Variants in CDC42EP3 observed in about 807,000 individuals in gnomAD.
The protein encoded by CDC42EP3 is CDC42 effector protein (Rho GTPase binding) 3.
In CDC42EP3, 4 loss-of-function variants were observed where a neutral mutation model predicts 15.5. The ratio of observed to expected loss-of-function variants is 0.26; its 90% CI spans 0.13 to 0.59. The LOEUF (loss-of-function observed/expected upper bound fraction) is 0.59. Among genes scored for constraint, CDC42EP3 ranks in the 20% least tolerant of loss-of-function variants. CDC42EP3 has a pLI of 0.89. For missense variants in CDC42EP3, 309 were observed against 311.2 expected, an observed-to-expected ratio of 0.99 and a Z score of 0.05; for synonymous variants, 145 against 130.3, an observed-to-expected ratio of 1.11 and a Z score of -0.77.
intron 1 of CDC42EP3, among the ~76,000 whole-genome samples, chr2:37,649,448 A>C (rs1665594647): frequency 4.9e-5 from 1 of 20,340 alleles, no homozygotes; most frequent in Non-Finnish European, 9.5e-5. Context: ...CTTGTCTCAA[A>C]AAAAAAAAAA....
chr2:37,667,475 A>C (rs927442775), intron 1 of CDC42EP3, among the ~76,000 whole-genome samples: 2 of 152,178 alleles, frequency 1.3e-5, no homozygotes, highest in Admixed American at 6.5e-5. Context: ...CTTCATCCCC[A>C]GCCACCAGAA....
chr2:37,657,284 A>G (rs1665896885), intron 1 of CDC42EP3, among the ~76,000 whole-genome samples: 1 of 152,088 alleles, frequency 6.6e-6, no homozygotes, highest in African/African-American at 2.4e-5. Context: ...TCCTTCCTGG[A>G]GGAAGTCTAC....
At chr2:37,650,913 A>C (rs1252674833) in intron 1 of CDC42EP3, among the ~76,000 whole-genome samples, 1 of 152,218 alleles carries the variant, frequency 6.6e-6, no homozygotes, top group Non-Finnish European at 1.5e-5. Context: ...CTCAGATTGC[A>C]CTTATAGGGA....
intron 1 of CDC42EP3, among the ~76,000 whole-genome samples, chr2:37,654,121 G>A (rs567065658): frequency 3.9e-5 from 6 of 152,154 alleles, no homozygotes; most frequent in African/African-American, 1.4e-4. Flanking sequence ...TGATGACTCG[G>A]CCAAGTACCC....
chr2:37,655,115 T>C (rs1665807420), intron 1 of CDC42EP3, among the ~76,000 whole-genome samples: 1 of 152,208 alleles, frequency 6.6e-6, no homozygotes, highest in Admixed American at 6.5e-5. Context: ...TCATCTAAAC[T>C]GAGGACATAG....
chr2:37,657,547 C>G (rs1665908971), intron 1 of CDC42EP3, among the ~76,000 whole-genome samples: 1 of 152,188 alleles, frequency 6.6e-6, no homozygotes, highest in South Asian at 2.1e-4. Context: ...GCTGGGGACA[C>G]AGAAGGCCCT....
Position 37,644,847 on chromosome 2 carries a change from T to C in CDC42EP3, c.*976A>G, listed in dbSNP as rs1665391480. 2 of 152,188 alleles carry C rather than the reference T, an allele frequency of 1.3e-5. 1 individual carries two copies. Among genetic ancestry groups the C allele is most frequent in the South Asian group, 4.1e-4 (2 of 4,820 alleles). 9.4% of individuals were successfully genotyped at this position (152,188 alleles called of 1,614,324 possible). ...ATAAACAAGCAAGTTCACTTTATCA[T>C]TTACTTTTTATTGTGTTGCTTGAAG... On this transcript the variant is annotated 3_prime_UTR_variant, in exon 2 of 2. Transcript: ENST00000295324.
At chr2:37,653,737 T>C (rs974675094) in intron 1 of CDC42EP3, among the ~76,000 whole-genome samples, 4 of 151,780 alleles carry the variant, frequency 2.6e-5, no homozygotes, top group Non-Finnish European at 2.9e-5. Flanking sequence ...TGTTTTTAGA[T>C]TAATTCTTAG....
chr2:37,657,634 G>C (rs1213038494), intron 1 of CDC42EP3, among the ~76,000 whole-genome samples: 2 of 152,124 alleles, frequency 1.3e-5, no homozygotes, highest in Non-Finnish European at 2.9e-5. Flanking sequence ...CTACAGGCCG[G>C]CCAAATCCGG....
intron 1 of CDC42EP3, among the ~76,000 whole-genome samples, chr2:37,648,251 G>C (rs1665539290): frequency 6.6e-6 from 1 of 152,144 alleles, no homozygotes; most frequent in African/African-American, 2.4e-5. Flanking sequence ...GCTCTGCCAT[G>C]ACCTCTTCCC....
chr2:37,664,034 C>T (rs995732379), intron 1 of CDC42EP3, among the ~76,000 whole-genome samples: 5 of 152,074 alleles, frequency 3.3e-5, no homozygotes, highest in East Asian at 3.9e-4. Context: ...ATTAGCCGGT[C>T]GTTGTGGAGG....
chr2:37,656,734 C>G (rs1237990067), intron 1 of CDC42EP3, among the ~76,000 whole-genome samples: 2 of 152,136 alleles, frequency 1.3e-5, no homozygotes, highest in Admixed American at 6.5e-5. Context: ...AACCTGAAGA[C>G]TATGTATCTT....
chr2:37,646,221 A>G lies in CDC42EP3; in HGVS notation c.367T>C (p.Leu123=), dbSNP rs61731520. The part of the protein sequence containing the change: ...GGSQALMLPL[L]SPVTFNSKQE... ...TTGGAATTAAATGTCACTGGTGACA[A>G]TAAGGGCAACATGAGAGCTTGGGAT... Residue 123 remains leucine (L), a synonymous_variant, in exon 2 of 2, where the codon TTG becomes CTG. Transcript: ENST00000295324. 19 of 1,614,202 alleles carry G rather than the reference A, an allele frequency of 1.2e-5. No individual in the cohort carries two copies. In the East Asian group the frequency reaches 3.1e-4, roughly 26 times the overall value.
chr2:37,646,406 C>G lies in CDC42EP3; in HGVS notation c.182G>C (p.Gly61Ala). ...GTTTCCAGGTAAAAGCTCGTAGTTC[C>G]CTTGAAGAAAGGAAATATCTCCAAA... is the stretch of plus-strand genomic sequence containing the variant. ...DVFGDISFLQ[G>A]NYELLPGNQE... The change falls in exon 2 of 2, where the codon GGG becomes GCG. Residue 61 changes from glycine to alanine, a missense_variant. Transcript: ENST00000295324. 1 of 1,614,024 alleles carries G rather than the reference C, an allele frequency of 6.2e-7. No individual in the cohort carries two copies. The highest frequency in any genetic ancestry group is 8.5e-7 in the Non-Finnish European group (1 of 1,179,992).
chr2:37,657,683 A>G (rs938608424), intron 1 of CDC42EP3, among the ~76,000 whole-genome samples: 6 of 152,200 alleles, frequency 3.9e-5, no homozygotes, highest in African/African-American at 1.4e-4. Context: ...TTATTAGAAC[A>G]CACCTATGCC....
chr2:37,658,971 T>G (rs868275769), intron 1 of CDC42EP3, among the ~76,000 whole-genome samples: 3 of 152,286 alleles, frequency 2.0e-5, no homozygotes, highest in South Asian at 2.1e-4. Context: ...TAAGATAAAA[T>G]AGCTTGTGAA....
At position 37,662,736 on chromosome 2, in the gene CDC42EP3, A is replaced by G. The variant is rs148183260; in HGVS notation, c.-236+8690T>C. ...CACTAAACTTAATAGAAGGCCAAAAATCAACACTCTTTAGGAAGACATTTC... is the reference window on the plus strand; with the variant it reads ...CACTAAACTTAATAGAAGGCCAAAAGTCAACACTCTTTAGGAAGACATTTC... On this transcript the variant is annotated intron_variant, in intron 1 of 1. Coordinates refer to ENST00000295324, the MANE Select transcript of CDC42EP3 (RefSeq NM_006449.5). Among the ~76,000 whole-genome samples the G allele has an allele frequency of 1.7e-3, 264 of 152,268 alleles. 1 individual carries two copies. The highest frequency in any genetic ancestry group is 0.01 in the Middle Eastern group (3 of 294).
At chr2:37,652,322 G>A (rs1665715241) in intron 1 of CDC42EP3, among the ~76,000 whole-genome samples, 1 of 152,080 alleles carries the variant, frequency 6.6e-6, no homozygotes. Context: ...AGAAGGATCT[G>A]CTTGGAGGAA....
intron 1 of CDC42EP3, among the ~76,000 whole-genome samples, chr2:37,664,314 T>C (rs1194439271): frequency 6.6e-6 from 1 of 152,228 alleles, no homozygotes; most frequent in African/African-American, 2.4e-5. Flanking sequence ...TTTTTGGACC[T>C]GGACTTACAC....
Sources: gnomAD v4.1 joint callset for allele counts (sites outside exome capture counted in the v4.1 genomes callset) on GRCh38, gnomAD v4.1.1 for gene constraint, MANE v1.5 for transcripts, NCBI Gene and HGNC (gene_info 2026-07-23, HGNC 2026-07-21) for gene names.